FMN1: variants seen among roughly 807,000 people sequenced by gnomAD.
The protein encoded by FMN1 is formin-1.
FMN1 carries 110 observed loss-of-function variants against 132.4 expected under a neutral mutation model. The observed-to-expected ratio is 0.83, with a 90% CI of 0.71 to 0.97. The LOEUF is 0.97. Ranked by LOEUF, FMN1 falls within the 50% of genes least tolerant of loss-of-function variation. FMN1 has a pLI of 0.00. For synonymous variants in FMN1, 722 were observed against 651.7 expected (o/e 1.11, Z -1.64); for missense variants, 1,792 against 1,705.3 (o/e 1.05, Z -0.90).
At chr15:33,067,377 T>C (rs751620973) in intron 5 of FMN1, 11 of 1,613,996 alleles carry the variant, frequency 6.8e-6, no homozygotes, top group Non-Finnish European at 8.5e-6. Context: ...AAAACACCAC[T>C]AGGGGACTTT....
chr15:32,931,288 G>T (rs1567415299), intron 9 of FMN1, among the ~76,000 whole-genome samples: 1 of 152,180 alleles, frequency 6.6e-6, no homozygotes, highest in Non-Finnish European at 1.5e-5. Flanking sequence ...GGGGAATACA[G>T]ACATTCAATA....
chr15:33,112,098 C>CTA (rs765401117), intron 4 of FMN1, among the ~76,000 whole-genome samples: 22 of 152,010 alleles, frequency 1.4e-4, no homozygotes, highest in Non-Finnish European at 2.6e-4. Context: ...AAACAAAAAG[C>CTA]TATATAAATA....
intron 18 of FMN1, among the ~76,000 whole-genome samples, chr15:32,802,841 T>C (rs1482921655): frequency 6.6e-6 from 1 of 152,192 alleles, no homozygotes; most frequent in African/African-American, 2.4e-5. Flanking sequence ...GAAGGGAAGC[T>C]TAACATAGGA....
chr15:33,153,274 C>G lies in FMN1; in HGVS notation c.1641G>C (p.Arg547Ser). Reference protein sequence around the residue: ...ILRLPALPGEREAALNDSPCR... With the variant: ...ILRLPALPGESEAALNDSPCR... ...AAGGAGAGTCATTAAGAGCAGCTTCCCTCTCACCAGGCAATGCAGGGAGCC... is the reference window on the plus strand; with the variant it reads ...AAGGAGAGTCATTAAGAGCAGCTTCGCTCTCACCAGGCAATGCAGGGAGCC... Residue 547 changes from arginine to serine, a missense_variant, in exon 4 of 21, where the codon AGG becomes AGC. Arg to Ser is a moderately radical substitution (Grantham distance 110). Coordinates refer to ENST00000616417, the MANE Select transcript of FMN1 (RefSeq NM_001277313.2). The G allele has an allele frequency of 6.5e-7, 1 of 1,536,168 alleles. No homozygotes were observed. Among genetic ancestry groups the G allele is most frequent in the Non-Finnish European group, 8.7e-7 (1 of 1,146,922 alleles).
At chr15:32,939,343 C>T (rs1470677) in intron 9 of FMN1, among the ~76,000 whole-genome samples, 31,195 of 151,768 alleles carry the variant, frequency 0.21, 3,754 homozygotes, top group Non-Finnish European at 0.27. Context: ...GAATTTATTG[C>T]AGAGTAGTGA....
At chr15:33,126,739 G>C (rs1037242541) in intron 4 of FMN1, among the ~76,000 whole-genome samples, 12 of 152,006 alleles carry the variant, frequency 7.9e-5, no homozygotes, top group Non-Finnish European at 1.6e-4. Context: ...GGCTGGAGCA[G>C]AAACTCGGGA....
At chr15:32,894,829 T>C (rs2060115702) in intron 15 of FMN1, among the ~76,000 whole-genome samples, 2 of 115,378 alleles carry the variant, frequency 1.7e-5, no homozygotes, top group East Asian at 2.5e-4. Flanking sequence ...AACATTTTAA[T>C]GTATTTTTTT....
intron 5 of FMN1, among the ~76,000 whole-genome samples, chr15:33,071,006 G>A (rs1013700686): frequency 1.6e-4 from 24 of 152,106 alleles, no homozygotes; most frequent in African/African-American, 4.3e-4. Context: ...ACCACTCTTC[G>A]AAAGCCCAGA....
chr15:33,118,273 T>G (rs188650854), intron 4 of FMN1, among the ~76,000 whole-genome samples: 10 of 152,326 alleles, frequency 6.6e-5, no homozygotes, highest in Admixed American at 6.5e-4. Context: ...TCTCATTTGT[T>G]ATATTAATAA....
In FMN1 at chr15:33,007,905, G is replaced by A. The variant is rs534158259; in HGVS notation, c.2223+109C>T. The stretch of plus-strand genomic sequence containing the variant: ...GTGCCTACTGGCAGCTGCAAGATGC[G>A]ATGCTGTCTAGTTTAACACTTCAAC... On this transcript the variant is annotated intron_variant, in intron 7 of 20. Coordinates refer to ENST00000616417, the MANE Select transcript of FMN1 (RefSeq NM_001277313.2). 6.1e-5 allele frequency: 52 copies of A among 855,138 alleles called. No individual in the cohort carries two copies. The South Asian group carries it at 6.5e-4, about 11-fold the overall frequency. 53.0% of individuals were successfully genotyped at this position (855,138 alleles called of 1,614,324 possible).
intron 6 of FMN1, among the ~76,000 whole-genome samples, chr15:33,024,872 A>G (rs977914836): frequency 2.6e-5 from 4 of 152,218 alleles, no homozygotes; most frequent in Non-Finnish European, 5.9e-5. Context: ...ACTCAGAGTG[A>G]TATTATGCAG....
intron 3 of FMN1, among the ~76,000 whole-genome samples, chr15:33,158,177 T>C (rs1167794225): frequency 6.6e-6 from 1 of 151,922 alleles, no homozygotes; most frequent in African/African-American, 2.4e-5. Flanking sequence ...AGATTCTAAT[T>C]TAGAAATAAA....
At chr15:32,979,805 G>T (rs576938516) in intron 7 of FMN1, among the ~76,000 whole-genome samples, 68 of 152,236 alleles carry the variant, frequency 4.5e-4, no homozygotes, top group African/African-American at 1.6e-3. Flanking sequence ...AGTCATTTGT[G>T]TTCACTGTAT....
chr15:33,012,330 C>T (rs2140966166), intron 6 of FMN1: 2 of 820,852 alleles, frequency 2.4e-6, no homozygotes, highest in Admixed American at 1.7e-5. Flanking sequence ...GCAGATGCAG[C>T]CATGAATGCA....
intron 10 of FMN1, among the ~76,000 whole-genome samples, chr15:32,911,626 G>A (rs538119502): frequency 6.6e-6 from 1 of 152,204 alleles, no homozygotes; most frequent in South Asian, 2.1e-4. Context: ...AAAATTAACT[G>A]AGCTAAGATC....
At chr15:33,040,127 C>T (rs1389413598) in intron 6 of FMN1, among the ~76,000 whole-genome samples, 1 of 152,192 alleles carries the variant, frequency 6.6e-6, no homozygotes, top group East Asian at 1.9e-4. Flanking sequence ...TCATGTATAT[C>T]ATTCATAATA....
intron 16 of FMN1, among the ~76,000 whole-genome samples, chr15:32,882,962 T>C (rs1332554801): frequency 6.6e-6 from 1 of 152,252 alleles, no homozygotes; most frequent in Non-Finnish European, 1.5e-5. Context: ...AGAGCCAGCA[T>C]GGCTGTAAGA....
At chr15:33,178,105 G>A (rs552579046) in intron 3 of FMN1, among the ~76,000 whole-genome samples, 1 of 152,210 alleles carries the variant, frequency 6.6e-6, no homozygotes, top group East Asian at 1.9e-4. Flanking sequence ...CAAATGAAGT[G>A]TCAAAAATAA....
At chr15:33,031,169 A>G (rs8043116) in intron 6 of FMN1, among the ~76,000 whole-genome samples, 41,200 of 151,954 alleles carry the variant, frequency 0.27, 5,773 homozygotes, top group Non-Finnish European at 0.31. Flanking sequence ...AAATACAGCC[A>G]GGATTCGAAC....
Sources: allele counts gnomAD v4.1 joint callset (sites outside exome capture counted in the v4.1 genomes callset), GRCh38; gene constraint gnomAD v4.1.1; transcripts MANE v1.5; gene names NCBI Gene and HGNC (gene_info 2026-07-23, HGNC 2026-07-21).